Variants in MAP3K13 observed in about 807,000 individuals in gnomAD.
MAP3K13 encodes the protein mitogen-activated protein kinase kinase kinase 13, also known as leucine zipper-bearing kinase.
Under a neutral mutation model 104.0 loss-of-function variants are expected in MAP3K13, and 52 were observed. The observed-to-expected ratio is 0.50, with a 90% CI of 0.40 to 0.63. MAP3K13 has a LOEUF of 0.63. Ranked by LOEUF, MAP3K13 falls within the 20% of genes least tolerant of loss-of-function variation. MAP3K13 has a pLI of 0.00. For missense variants in MAP3K13, 914 were observed against 1,218.5 expected, an observed-to-expected ratio of 0.75 and a Z score of 3.72; for synonymous variants, 394 against 442.2, an observed-to-expected ratio of 0.89 and a Z score of 1.37.
At chr3:185,339,966 T>G (rs2108718630) in intron 2 of MAP3K13, among the ~76,000 whole-genome samples, 1 of 151,572 alleles carries the variant, frequency 6.6e-6, no homozygotes, top group Admixed American at 6.6e-5. Context: ...AAGTTATTAT[T>G]GTTTTGTGAC....
chr3:185,406,890 A>G (rs1250173634), intron 1 of MAP3K13, among the ~76,000 whole-genome samples: 1 of 152,226 alleles, frequency 6.6e-6, no homozygotes, highest in Admixed American at 6.5e-5. Flanking sequence ...AGGCAAGTAA[A>G]AAGGGGATCT....
At chr3:185,459,462 T>A (rs1716965506) in intron 7 of MAP3K13, among the ~76,000 whole-genome samples, 1 of 152,188 alleles carries the variant, frequency 6.6e-6, no homozygotes, top group South Asian at 2.1e-4. Context: ...AAAATTTTTT[T>A]TTGAGACAGA....
intron 1 of MAP3K13, among the ~76,000 whole-genome samples, chr3:185,409,662 T>C (rs182703530): frequency 3.9e-4 from 59 of 152,244 alleles, no homozygotes; most frequent in African/African-American, 1.4e-3. Context: ...TGAACCAGTA[T>C]ACTGAAGAGA....
Position 185,482,647 on chromosome 3 carries a change from A to G in MAP3K13, c.*191A>G, listed in dbSNP as rs1718531342. Reference sequence around the variant, plus strand: ...GCAAATCTCTGGAAAATAATATCCAAATGAAATTAAGTCTCACTGAACATT... The same window carrying G: ...GCAAATCTCTGGAAAATAATATCCAGATGAAATTAAGTCTCACTGAACATT... On this transcript the variant is annotated 3_prime_UTR_variant, in exon 14 of 14. Coordinates refer to ENST00000265026, the MANE Select transcript of MAP3K13 (RefSeq NM_004721.5). The surrounding 1 kb of genome is among the most constrained non-coding windows in gnomAD (Gnocchi z 4.5). 4 of 536,136 alleles carry G rather than the reference A, an allele frequency of 7.5e-6. No homozygotes were observed. The highest frequency in any genetic ancestry group is 3.4e-5 in the Admixed American group (1 of 29,218). 33.2% of individuals were successfully genotyped at this position (536,136 alleles called of 1,614,324 possible).
At chr3:185,446,051 G>A (rs1032895047) in intron 4 of MAP3K13, among the ~76,000 whole-genome samples, 1 of 152,006 alleles carries the variant, frequency 6.6e-6, no homozygotes, top group African/African-American at 2.4e-5. Context: ...TACATATTAC[G>A]TGCAAAACCA....
At chr3:185,445,627 C>G (rs1715549743) in intron 4 of MAP3K13, among the ~76,000 whole-genome samples, 1 of 152,126 alleles carries the variant, frequency 6.6e-6, no homozygotes, top group Non-Finnish European at 1.5e-5. Flanking sequence ...GTAAGCCTTT[C>G]CCTCTATTAG....
intron 1 of MAP3K13, among the ~76,000 whole-genome samples, chr3:185,412,363 GT>G (rs1439224275): frequency 2.0e-5 from 3 of 151,662 alleles, no homozygotes; most frequent in African/African-American, 4.8e-5. Flanking sequence ...GTTCTTCCTT[GT>G]CATCCTCATT....
chr3:185,441,352 G>A (rs1164946649), intron 3 of MAP3K13, among the ~76,000 whole-genome samples: 1 of 152,160 alleles, frequency 6.6e-6, no homozygotes, highest in Non-Finnish European at 1.5e-5. Context: ...GAAGGTTGAG[G>A]TGAAGTTAAC....
At chr3:185,300,256 C>A (rs1440092475) in intron 2 of MAP3K13, among the ~76,000 whole-genome samples, 1 of 146,284 alleles carries the variant, frequency 6.8e-6, no homozygotes, top group Non-Finnish European at 1.5e-5. Flanking sequence ...GTGGCACGAT[C>A]TCGGCTTATT....
At chr3:185,395,154 T>C (rs149095099) in intron 1 of MAP3K13, among the ~76,000 whole-genome samples, 19 of 152,198 alleles carry the variant, frequency 1.2e-4, no homozygotes, top group African/African-American at 3.4e-4. Flanking sequence ...TTTCTTGATA[T>C]AGGTATCATG....
chr3:185,283,645 G>T (rs962566303), intron 1 of MAP3K13, among the ~76,000 whole-genome samples: 1 of 152,072 alleles, frequency 6.6e-6, no homozygotes, highest in Non-Finnish European at 1.5e-5. Flanking sequence ...GTACATTGTT[G>T]GTTTTTGTTA....
chr3:185,427,340 G>A (rs1028111006), intron 1 of MAP3K13, among the ~76,000 whole-genome samples: 6 of 152,070 alleles, frequency 3.9e-5, no homozygotes, highest in African/African-American at 1.4e-4. Flanking sequence ...CTCCAGTCTA[G>A]GTGACAGAGC....
chr3:185,450,688 A>ACTTT lies in MAP3K13; in HGVS notation c.1170-598_1170-595dup, dbSNP rs1437222032. 1.3e-5 allele frequency among the ~76,000 whole-genome samples: 2 copies of ACTTT among 152,062 alleles called. No individual in the cohort carries two copies. Among genetic ancestry groups the ACTTT allele is most frequent in the African/African-American group, 2.4e-5 (1 of 41,410 alleles). ...GGTGGCTCACGCCTGTAATCCCAAC[A>ACTTT]CTTTGGGAGGCCGAGGTAGGAGGAT... On this transcript the variant is annotated intron_variant, in intron 6 of 13. Coordinates refer to ENST00000265026, the MANE Select transcript of MAP3K13 (RefSeq NM_004721.5). The surrounding 1 kb of genome is among the most constrained non-coding windows in gnomAD (Gnocchi z 4.2).
chr3:185,471,298 G>T (rs1717761535), intron 10 of MAP3K13, among the ~76,000 whole-genome samples: 1 of 144,748 alleles, frequency 6.9e-6, no homozygotes, highest in Non-Finnish European at 1.5e-5. Flanking sequence ...CTGTTGCCAT[G>T]ACCTTTGCTT....
intron 2 of MAP3K13, among the ~76,000 whole-genome samples, chr3:185,354,780 T>A (rs1723284009): frequency 6.6e-6 from 1 of 152,198 alleles, no homozygotes; most frequent in Non-Finnish European, 1.5e-5. Context: ...TTTGTATTGT[T>A]ACTCATCTCA....
intron 1 of MAP3K13, among the ~76,000 whole-genome samples, chr3:185,394,260 C>A (rs530351182): frequency 2.0e-5 from 3 of 152,274 alleles, no homozygotes; most frequent in African/African-American, 7.2e-5. Context: ...TCACAGGTGT[C>A]AGTGACTTCT....
chr3:185,406,217 G>T (rs983619583), intron 1 of MAP3K13, among the ~76,000 whole-genome samples: 4 of 152,154 alleles, frequency 2.6e-5, no homozygotes, highest in African/African-American at 9.7e-5. Context: ...GGTGCCACTT[G>T]ACTCTTAATT....
At chr3:185,449,415 AT>A (rs1715766687) in intron 5 of MAP3K13, among the ~76,000 whole-genome samples, 1 of 150,752 alleles carries the variant, frequency 6.6e-6, no homozygotes, top group Non-Finnish European at 1.5e-5. Flanking sequence ...CTCCTAGATA[AT>A]TTTTTAACTC....
intron 1 of MAP3K13, among the ~76,000 whole-genome samples, chr3:185,391,687 C>G (rs1268247665): frequency 6.6e-6 from 1 of 152,154 alleles, no homozygotes; most frequent in Non-Finnish European, 1.5e-5. Context: ...ATCATATCTA[C>G]TGTAGCCATT....
Sources: gnomAD v4.1 joint callset for allele counts (sites outside exome capture counted in the v4.1 genomes callset) on GRCh38, gnomAD v4.1.1 for gene constraint, Gnocchi (gnomAD v3.1) non-coding constraint, MANE v1.5 for transcripts, NCBI Gene and HGNC (gene_info 2026-07-23, HGNC 2026-07-21) for gene names.